TCF4: variants seen among roughly 807,000 people sequenced by gnomAD.
The protein encoded by TCF4 is transcription factor 4, also known as SL3-3 enhancer factor 2.
A neutral mutation model predicts 82.1 loss-of-function variants in TCF4; 3 were observed. The ratio of observed to expected loss-of-function variants is 0.04; its 90% CI spans 0.02 to 0.09. TCF4 has a LOEUF of 0.09. Among genes scored for constraint, TCF4 ranks in the 10% least tolerant of loss-of-function variants. The pLI is 1.00. For missense variants in TCF4, 518 were observed against 852.7 expected, an observed-to-expected ratio of 0.61 and a Z score of 4.89; for synonymous variants, 276 against 309.6, an observed-to-expected ratio of 0.89 and a Z score of 1.14.
rs2075560270 is a variant in TCF4 at position 55,321,799 on chromosome 18, TC to T, written c.549+28559del. On this transcript the variant is annotated intron_variant, in intron 8 of 19. Transcript: ENST00000354452. ...AACAACTTTTATTTCAAACTCGCTG[TC>T]CCTTTTTTCACAACAATTCCTTCAG... The T allele has an allele frequency of 2.0e-6, 3 of 1,510,288 alleles. No homozygotes were observed. In the South Asian group the frequency reaches 3.7e-5, roughly 18 times the overall value. The allele number at this position is 1,510,288 out of a possible 1,614,324, so 93.6% of individuals were successfully genotyped here. A position where few individuals can be genotyped will look rare whatever the true frequency, so the allele number is the denominator to read the frequency against.
chr18:55,426,855 C>A (rs1457954782), intron 5 of TCF4, among the ~76,000 whole-genome samples: 1 of 152,030 alleles, frequency 6.6e-6, no homozygotes, highest in Non-Finnish European at 1.5e-5. Context: ...AACACAGACA[C>A]ACAAAGACAC....
chr18:55,511,273 C>G (rs1437902898), intron 3 of TCF4, among the ~76,000 whole-genome samples: 1 of 140,586 alleles, frequency 7.1e-6, no homozygotes. Context: ...TAATAAAATC[C>G]TAGTTTTATT....
rs184039141 is a variant in TCF4, at chr18:55,401,538, C to T, written c.369+1916G>A. The T allele has an allele frequency of 5.9e-3, 5,819 of 989,880 alleles. 33 individuals carry two copies. Among genetic ancestry groups the T allele is most frequent in the Middle Eastern group, 6.8e-3 (13 of 1,922 alleles). 61.3% of individuals were successfully genotyped at this position (989,880 alleles called of 1,614,324 possible). A position where few individuals can be genotyped will look rare whatever the true frequency, so the allele number is the denominator to read the frequency against. On this transcript the variant is annotated intron_variant, in intron 6 of 19. Transcript: ENST00000354452. ...GAAATTCAGCCATCACATGCCAATC[C>T]ATCCACCTCTCTTCCACCCTCTGCC...
At chr18:55,261,426 A>C in intron 12 of TCF4, 40 bp downstream of exon 12, 6 of 1,605,490 alleles carry the variant, frequency 3.7e-6, no homozygotes, top group Non-Finnish European at 5.1e-6. Context: ...TTCACCCTTT[A>C]CAATGGTACA....
chr18:55,280,868 C>T (rs966094917), intron 8 of TCF4, among the ~76,000 whole-genome samples: 5 of 151,788 alleles, frequency 3.3e-5, no homozygotes, highest in Admixed American at 6.6e-5. Flanking sequence ...AGCATTAATA[C>T]AAGGTTTAGG....
In TCF4 at chr18:55,223,600, T is replaced by C. The variant is rs1053488673; in HGVS notation, c.*4435A>G. 6.6e-6 allele frequency: 1 copy of C among 152,404 alleles called. No individual in the cohort carries two copies. Among genetic ancestry groups the C allele is most frequent in the African/African-American group, 2.4e-5 (1 of 41,386 alleles). The allele number at this position is 152,404 out of a possible 1,614,324, so 9.4% of individuals were successfully genotyped here. Reference sequence around the variant, plus strand: ...CCAGCACACAACCTGTTTGGACACTTCTACAAATCAGAAATACACCAAAAA... The same window carrying C: ...CCAGCACACAACCTGTTTGGACACTCCTACAAATCAGAAATACACCAAAAA... On this transcript the variant is annotated 3_prime_UTR_variant, in exon 20 of 20. Transcript: ENST00000354452.
chr18:55,400,630 C>T (rs1179599588), intron 6 of TCF4, among the ~76,000 whole-genome samples: 3 of 152,154 alleles, frequency 2.0e-5, no homozygotes, highest in East Asian at 1.9e-4. Context: ...TTTAAAAAAG[C>T]GTCATATGTC....
chr18:55,256,874 C>T (rs2056971228), intron 14 of TCF4, among the ~76,000 whole-genome samples: 2 of 152,102 alleles, frequency 1.3e-5, no homozygotes, highest in South Asian at 4.1e-4. Context: ...ATTTCTCTAC[C>T]ACGAAGGATA....
At chr18:55,524,903 A>G (rs2096965563) in intron 3 of TCF4, among the ~76,000 whole-genome samples, 1 of 152,188 alleles carries the variant, frequency 6.6e-6, no homozygotes, top group Non-Finnish European at 1.5e-5. Context: ...GATAAAAAGG[A>G]ATAATACTCT....
chr18:55,572,566 C>T (rs921338162), intron 3 of TCF4, among the ~76,000 whole-genome samples: 3 of 152,142 alleles, frequency 2.0e-5, no homozygotes, highest in Non-Finnish European at 4.4e-5. Flanking sequence ...TGCAATCTAA[C>T]AATACTGCTG....
At position 55,538,727 on chromosome 18, in the gene TCF4, T is replaced by TCAGCAAA. The variant is rs1016170003; in HGVS notation, c.145+46546_145+46552dup. 1.1e-3 allele frequency among the ~76,000 whole-genome samples: 166 copies of TCAGCAAA among 152,262 alleles called. 1 individual carries two copies. Among genetic ancestry groups the TCAGCAAA allele is most frequent in the African/African-American group, 3.9e-3 (161 of 41,558 alleles). On this transcript the variant is annotated intron_variant, in intron 3 of 19. Coordinates refer to ENST00000354452, the MANE Select transcript of TCF4 (RefSeq NM_001083962.2). ...TAGACGTATCTTAGCGAGTGATCCT[T>TCAGCAAA]CAGCAAACAGCAAACACAAAGATGA...
intron 15 of TCF4, among the ~76,000 whole-genome samples, chr18:55,244,418 C>T (rs2052387335): frequency 6.6e-6 from 1 of 152,098 alleles, no homozygotes; most frequent in Non-Finnish European, 1.5e-5. Context: ...ATCTTGAAGC[C>T]CTGTGAGAAA....
intron 6 of TCF4, among the ~76,000 whole-genome samples, chr18:55,367,243 T>C (rs147740184): frequency 2.0e-5 from 3 of 152,372 alleles, no homozygotes; most frequent in Non-Finnish European, 4.4e-5. Context: ...TGCTTATGTG[T>C]ATGCGAGTGT....
intron 8 of TCF4, among the ~76,000 whole-genome samples, chr18:55,323,379 T>C (rs2147557084): frequency 1.3e-5 from 2 of 152,242 alleles, no homozygotes; most frequent in Middle Eastern, 3.4e-3. Context: ...ACAGTATTAA[T>C]AAACAAGGAG....
At chr18:55,418,892 T>C (rs1314120243) in intron 5 of TCF4, among the ~76,000 whole-genome samples, 2 of 152,180 alleles carry the variant, frequency 1.3e-5, no homozygotes, top group Non-Finnish European at 2.9e-5. Flanking sequence ...AGGACACACC[T>C]GGCACATAAT....
intron 6 of TCF4, among the ~76,000 whole-genome samples, chr18:55,362,428 AGGAAGG>A (rs2085655447): frequency 7.2e-6 from 1 of 139,628 alleles, no homozygotes; most frequent in African/African-American, 2.7e-5. Context: ...GAAGGAAGGA[AGGAAGG>A]AAAAAAAAAA....
At chr18:55,302,666 A>G in intron 8 of TCF4, 1 of 1,445,358 alleles carries the variant, frequency 6.9e-7, no homozygotes, top group African/African-American at 1.4e-5. Context: ...TGGCTGGCCT[A>G]GGGGTGGGAG....
intron 6 of TCF4, among the ~76,000 whole-genome samples, chr18:55,392,736 GCTTA>G (rs1349187517): frequency 3.3e-5 from 5 of 152,004 alleles, no homozygotes; most frequent in Admixed American, 2.6e-4. Flanking sequence ...TAAGGAACCT[GCTTA>G]CTGTCTTATA....
At chr18:55,556,554 C>T (rs1409209646) in intron 3 of TCF4, among the ~76,000 whole-genome samples, 1 of 152,054 alleles carries the variant, frequency 6.6e-6, no homozygotes, top group African/African-American at 2.4e-5. Flanking sequence ...GGGGTTTCAC[C>T]ATGTCACCCA....
Sources: allele counts gnomAD v4.1 joint callset (sites outside exome capture counted in the v4.1 genomes callset), GRCh38; gene constraint gnomAD v4.1.1; transcripts MANE v1.5; gene names NCBI Gene and HGNC (gene_info 2026-07-23, HGNC 2026-07-21).